The following SUSD6 variants were observed in gnomAD, a reference collection of about 807,000 sequenced individuals.
SUSD6 encodes the protein sushi domain-containing protein 6.
SUSD6 carries 16 observed loss-of-function variants against 28.4 expected under a neutral mutation model. That is an observed-to-expected ratio of 0.56 (90% confidence interval 0.38 to 0.86). The LOEUF (loss-of-function observed/expected upper bound fraction) is 0.86. SUSD6 is among the 40% of genes least tolerant of loss of function. The pLI, the probability that SUSD6 is intolerant of heterozygous loss-of-function variation, is 0.00. For synonymous variants in SUSD6, 147 were observed against 159.6 expected, an observed-to-expected ratio of 0.92 and a Z score of 0.59; for missense variants, 341 against 384.2, an observed-to-expected ratio of 0.89 and a Z score of 0.94.
At position 69,640,043 on chromosome 14, in the gene SUSD6, GTTTAT is replaced by G. The variant is rs569127238; in HGVS notation, c.-80-18467_-80-18463del. Among the ~76,000 whole-genome samples, 242 of 148,320 alleles carry G rather than the reference GTTTAT, an allele frequency of 1.6e-3. 1 individual carries two copies. Among genetic ancestry groups the G allele is most frequent in the African/African-American group, 5.7e-3 (226 of 39,802 alleles). On this transcript the variant is annotated intron_variant, in intron 1 of 5. Coordinates refer to ENST00000342745, the MANE Select transcript of SUSD6 (RefSeq NM_014734.4). ...AGCATGGGTACCAGCCTTCCTGGGA[GTTTAT>G]TTACAGTTTAGTTTATAGTTTAGTG...
chr14:69,663,448 A>G (rs1399889010), intron 2 of SUSD6, among the ~76,000 whole-genome samples: 1 of 152,234 alleles, frequency 6.6e-6, no homozygotes, highest in East Asian at 1.9e-4. Context: ...CTGGGAGATG[A>G]CTTGGCTTTA....
chr14:69,689,932 C>T (rs1886130193), intron 2 of SUSD6, among the ~76,000 whole-genome samples: 1 of 152,240 alleles, frequency 6.6e-6, no homozygotes, highest in Non-Finnish European at 1.5e-5. Flanking sequence ...TCCCAAAGTG[C>T]TGGGATTACA....
At chr14:69,668,192 G>A (rs1052635901) in intron 2 of SUSD6, among the ~76,000 whole-genome samples, 2 of 152,230 alleles carry the variant, frequency 1.3e-5, no homozygotes, top group Admixed American at 6.5e-5. Context: ...CCTCAGGGAT[G>A]CAGGTGGTGG....
chr14:69,622,268 G>A (rs1489844468), intron 1 of SUSD6, among the ~76,000 whole-genome samples: 1 of 152,054 alleles, frequency 6.6e-6, no homozygotes, highest in Non-Finnish European at 1.5e-5. Context: ...GGGCTTATGC[G>A]ATCCTCCCAC....
At chr14:69,626,817 G>A (rs1460824103) in intron 1 of SUSD6, among the ~76,000 whole-genome samples, 2 of 151,664 alleles carry the variant, frequency 1.3e-5, no homozygotes, top group Admixed American at 6.6e-5. Context: ...TAAGCAGCTC[G>A]GATTACAGGC....
intron 2 of SUSD6, among the ~76,000 whole-genome samples, chr14:69,687,875 G>GT (rs1433743471): frequency 1.3e-4 from 20 of 151,730 alleles, no homozygotes; most frequent in South Asian, 1.0e-3. Flanking sequence ...TTTTCTTTTT[G>GT]TTTTTTTTCT....
At chr14:69,619,489 G>A (rs1306391405) in intron 1 of SUSD6, among the ~76,000 whole-genome samples, 6 of 151,964 alleles carry the variant, frequency 3.9e-5, no homozygotes, top group East Asian at 3.9e-4. Flanking sequence ...GGCCTGGTAC[G>A]GTGGCTCACA....
chr14:69,659,784 G>T (rs974770570), intron 2 of SUSD6, among the ~76,000 whole-genome samples: 1 of 152,210 alleles, frequency 6.6e-6, no homozygotes, highest in African/African-American at 2.4e-5. Flanking sequence ...CTCCCAAAAT[G>T]TTGGGATTAC....
At chr14:69,687,160 A>T (rs1277847859) in intron 2 of SUSD6, among the ~76,000 whole-genome samples, 1 of 152,104 alleles carries the variant, frequency 6.6e-6, no homozygotes, top group Non-Finnish European at 1.5e-5. Flanking sequence ...TTTTTAGTAG[A>T]GACAGGGTTT....
At chr14:69,643,597 T>C (rs1247351361) in intron 1 of SUSD6, among the ~76,000 whole-genome samples, 1 of 152,224 alleles carries the variant, frequency 6.6e-6, no homozygotes, top group Non-Finnish European at 1.5e-5. Context: ...CTAGTCAGAA[T>C]TGGTGAGCAA....
At chr14:69,647,040 A>G (rs1885438287) in intron 1 of SUSD6, among the ~76,000 whole-genome samples, 1 of 152,026 alleles carries the variant, frequency 6.6e-6, no homozygotes, top group Non-Finnish European at 1.5e-5. Context: ...ACCTCATCCT[A>G]TTAGTTTTTG....
At chr14:69,676,878 C>T (rs976490416) in intron 2 of SUSD6, among the ~76,000 whole-genome samples, 13 of 152,336 alleles carry the variant, frequency 8.5e-5, no homozygotes, top group Middle Eastern at 3.4e-3. Flanking sequence ...TTCATTTGTT[C>T]CTTTCCAGAG....
Position 69,712,466 on chromosome 14 carries a change from C to CT in SUSD6, c.*1493dup, listed in dbSNP as rs1886478248. 6.6e-6 allele frequency: 1 copy of CT among 152,298 alleles called. No individual in the cohort carries two copies. The highest frequency in any genetic ancestry group is 1.5e-5 in the Non-Finnish European group (1 of 68,110). 9.4% of individuals were successfully genotyped at this position (152,298 alleles called of 1,614,324 possible). A position where few individuals can be genotyped will look rare whatever the true frequency, so the allele number is the denominator to read the frequency against. ...GCAGCAGTAAGGAATGTTTGTTTTG[C>CT]TTTTTTCTGAAATTTTCTGAAGCAC... On this transcript the variant is annotated 3_prime_UTR_variant, in exon 6 of 6. Coordinates refer to ENST00000342745, the MANE Select transcript of SUSD6 (RefSeq NM_014734.4).
At chr14:69,623,403 G>T (rs1885070429) in intron 1 of SUSD6, among the ~76,000 whole-genome samples, 1 of 152,188 alleles carries the variant, frequency 6.6e-6, no homozygotes, top group Admixed American at 6.5e-5. Flanking sequence ...TGGTGATGCT[G>T]TTACAAATAA....
At chr14:69,665,997 A>T (rs1472807774) in intron 2 of SUSD6, among the ~76,000 whole-genome samples, 1 of 152,248 alleles carries the variant, frequency 6.6e-6, no homozygotes, top group Non-Finnish European at 1.5e-5. Flanking sequence ...CCATATTGGA[A>T]GATCAGATCC....
At chr14:69,635,070 C>T (rs932562920) in intron 1 of SUSD6, among the ~76,000 whole-genome samples, 6 of 152,028 alleles carry the variant, frequency 3.9e-5, no homozygotes, top group African/African-American at 7.3e-5. Context: ...ATGATGACGA[C>T]GATGAAGATG....
intron 1 of SUSD6, among the ~76,000 whole-genome samples, chr14:69,649,425 G>C (rs748901129): frequency 7.9e-5 from 12 of 152,146 alleles, no homozygotes; most frequent in Non-Finnish European, 1.6e-4. Context: ...ATATCTCTAG[G>C]GTCTAGGAAC....
intron 2 of SUSD6, among the ~76,000 whole-genome samples, chr14:69,698,728 G>A (rs898552110): frequency 9.9e-5 from 15 of 152,254 alleles, no homozygotes; most frequent in East Asian, 1.9e-4. Context: ...ATCATTTTGC[G>A]TCTCATCTGC....
intron 2 of SUSD6, among the ~76,000 whole-genome samples, chr14:69,666,994 A>C (rs1389907151): frequency 1.3e-5 from 2 of 152,158 alleles, no homozygotes; most frequent in African/African-American, 2.4e-5. Flanking sequence ...GGGCTTGATC[A>C]ATTCTTCCCA....
Sources: gnomAD v4.1 joint callset for allele counts (sites outside exome capture counted in the v4.1 genomes callset) on GRCh38, gnomAD v4.1.1 for gene constraint, MANE v1.5 for transcripts, NCBI Gene and HGNC (gene_info 2026-07-23, HGNC 2026-07-21) for gene names.